Variants in WBP4 observed in about 807,000 individuals in gnomAD.
The protein encoded by WBP4 is WW domain binding protein 4, also known as WW domain-binding protein 4.
WBP4 carries 37 observed loss-of-function variants against 55.4 expected under a neutral mutation model. The observed-to-expected ratio is 0.67, with a 90% confidence interval of 0.51 to 0.88. The LOEUF (loss-of-function observed/expected upper bound fraction) is 0.88. Among genes scored for constraint, WBP4 ranks in the 40% least tolerant of loss-of-function variants. WBP4 has a pLI of 0.00. For missense variants in WBP4, 398 were observed against 420.8 expected (o/e 0.95, Z 0.47); for synonymous variants, 142 against 140.2 (o/e 1.01, Z -0.09).
At chr13:41,065,580 T>G (rs1418440483) in intron 4 of WBP4, among the ~76,000 whole-genome samples, 1 of 152,134 alleles carries the variant, frequency 6.6e-6, no homozygotes, top group African/African-American at 2.4e-5. Flanking sequence ...ACACTTTGAG[T>G]TTTTTAGGTA....
intron 1 of WBP4, chr13:41,062,290 A>G (rs912348944): frequency 1.4e-5 from 14 of 984,332 alleles, no homozygotes; most frequent in Non-Finnish European, 1.7e-5. Flanking sequence ...AAACTTTATG[A>G]GTTTCTTCAG....
At chr13:41,079,430 G>A (rs1878660258) in intron 8 of WBP4, among the ~76,000 whole-genome samples, 1 of 151,186 alleles carries the variant, frequency 6.6e-6, no homozygotes, top group Non-Finnish European at 1.5e-5. Flanking sequence ...GAAATTAGCC[G>A]AGCATGGTGG....
chr13:41,076,269 A>ATTTTTTTTTTTTT (rs35695477), intron 8 of WBP4, 32 bp downstream of exon 8: 1 of 614,778 alleles, frequency 1.6e-6, no homozygotes, highest in African/African-American at 3.6e-5. Flanking sequence ...TTCACATCAA[A>ATTTTTTTTTTTTT]TTTTTTTTTT....
chr13:41,068,597 C>G lies in WBP4; in HGVS notation c.299C>G (p.Thr100Ser), dbSNP rs777785990. The G allele has an allele frequency of 2.5e-6, 4 of 1,612,392 alleles. No homozygotes were observed. In the African/African-American group the frequency reaches 4.0e-5, roughly 16 times the overall value. Residue 100 changes from threonine to serine, a missense_variant, in exon 5 of 10, where the codon ACT becomes AGT. Physicochemically the swap from Thr to Ser is moderately conservative, Grantham distance 58 (BLOSUM62 1). Transcript: ENST00000379487. Reference sequence around the variant, plus strand: ...CCAAGCATAACACCAGTAACCAGCACTATCCCACCTACCTCGACATCAAAT... The same window carrying G: ...CCAAGCATAACACCAGTAACCAGCAGTATCCCACCTACCTCGACATCAAAT... ...LEPSITPVTS[T>S]IPPTSTSNQQ...
chr13:41,065,679 A>G (rs538213545), intron 4 of WBP4, among the ~76,000 whole-genome samples: 1 of 152,304 alleles, frequency 6.6e-6, no homozygotes, highest in South Asian at 2.1e-4. Flanking sequence ...GGTGAAAATT[A>G]TGAGTCTTGT....
chr13:41,065,480 T>C (rs1399462673), intron 4 of WBP4, among the ~76,000 whole-genome samples, 193 bp downstream of exon 4: 1 of 152,168 alleles, frequency 6.6e-6, no homozygotes, highest in Non-Finnish European at 1.5e-5. Context: ...TTTAATGTTT[T>C]ATCTTTTAAC....
intron 7 of WBP4, among the ~76,000 whole-genome samples, chr13:41,073,733 G>A (rs1878352452): frequency 6.6e-6 from 1 of 151,998 alleles, no homozygotes; most frequent in Non-Finnish European, 1.5e-5. Flanking sequence ...CTTGAACCCA[G>A]GAGGTAGAGG....
intron 7 of WBP4, among the ~76,000 whole-genome samples, chr13:41,075,118 A>T (rs1165127541): frequency 6.6e-6 from 1 of 152,158 alleles, no homozygotes; most frequent in African/African-American, 2.4e-5. Context: ...ATTTTGGTTT[A>T]TTCCTGGACC....
At chr13:41,063,645 A>T (rs1877813067) in intron 2 of WBP4, among the ~76,000 whole-genome samples, 1 of 152,138 alleles carries the variant, frequency 6.6e-6, no homozygotes. Flanking sequence ...AGTTATCTAG[A>T]GTAAGTAATC....
At chr13:41,080,218 T>G (rs1878708942) in intron 8 of WBP4, among the ~76,000 whole-genome samples, 1 of 152,088 alleles carries the variant, frequency 6.6e-6, no homozygotes, top group South Asian at 2.1e-4. Flanking sequence ...TTTTAAAAGA[T>G]AAATTATAGG....
intron 8 of WBP4, among the ~76,000 whole-genome samples, chr13:41,080,442 C>G (rs904937401): frequency 4.6e-5 from 7 of 152,008 alleles, no homozygotes; most frequent in African/African-American, 1.4e-4. Context: ...TTTAGGGAGC[C>G]TTTGTCATGG....
chr13:41,067,685 A>AT (rs894966655), intron 4 of WBP4, among the ~76,000 whole-genome samples: 4 of 152,234 alleles, frequency 2.6e-5, no homozygotes, highest in African/African-American at 9.7e-5. Context: ...GAGAAAAAAA[A>AT]GTAAATGTTA....
Position 41,068,563 on chromosome 13 carries a change from A to G in WBP4, c.265A>G (p.Ile89Val). ...TTACCCTTCTCTCATCTCTTTAGAA[A>G]TTTTGGAGCCAAGCATAACACCAGT... ...DLKRLGLESE[I>V]LEPSITPVTS... The change falls in exon 5 of 10, where the codon ATT (isoleucine) becomes GTT (valine). Residue 89 changes from isoleucine (I) to valine (V), a missense_variant and splice_region_variant. Coordinates refer to ENST00000379487, the MANE Select transcript of WBP4 (RefSeq NM_007187.5). 1 of 1,592,142 alleles carries G rather than the reference A, an allele frequency of 6.3e-7. No individual in the cohort carries two copies. The highest frequency in any genetic ancestry group is 8.5e-7 in the Non-Finnish European group (1 of 1,172,858).
At chr13:41,064,186 T>A (rs931297153) in intron 2 of WBP4, among the ~76,000 whole-genome samples, 3 of 152,100 alleles carry the variant, frequency 2.0e-5, no homozygotes, top group African/African-American at 7.2e-5. Context: ...GCACTAGTTT[T>A]AAAAAATTTA....
chr13:41,061,534 T>C lies in WBP4; in HGVS notation c.-140T>C, dbSNP rs1208909674. The C allele has an allele frequency of 7.4e-7, 1 of 1,356,648 alleles. No individual in the cohort carries two copies. Among genetic ancestry groups the C allele is most frequent in the Middle Eastern group, 1.8e-4 (1 of 5,550 alleles). The allele number at this position is 1,356,648 out of a possible 1,614,324, so 84.0% of individuals were successfully genotyped here. ...GTAGTTGGGAACAGCGGAACGCTGGTCCCGGGGACTGAGTAAGGTGTCTGG... is the reference window on the plus strand; with the variant it reads ...GTAGTTGGGAACAGCGGAACGCTGGCCCCGGGGACTGAGTAAGGTGTCTGG... On this transcript the variant is annotated 5_prime_UTR_variant, in exon 1 of 10. Coordinates refer to ENST00000379487, the MANE Select transcript of WBP4 (RefSeq NM_007187.5).
In WBP4 at chr13:41,061,735, G is replaced by T. The variant is rs894821103; in HGVS notation, c.2+60G>T. On this transcript the variant is annotated intron_variant, in intron 1 of 9. Coordinates refer to ENST00000379487, the MANE Select transcript of WBP4 (RefSeq NM_007187.5). ...TTGTTTCTCTGGGCCGCCCTTTCTC[G>T]CCCGGGTCTTCCCCTCCTCTCCTCC... is the stretch of plus-strand genomic sequence containing the variant. The T allele has an allele frequency of 1.7e-5, 27 of 1,610,130 alleles. No individual in the cohort carries two copies. The Admixed American group carries it at 1.8e-4, about 11-fold the overall frequency.
intron 4 of WBP4, among the ~76,000 whole-genome samples, chr13:41,067,722 T>C (rs953213139): frequency 2.0e-5 from 3 of 152,228 alleles, no homozygotes; most frequent in Non-Finnish European, 4.4e-5. Context: ...TTGTAATTGT[T>C]GTCCATTTTT....
chr13:41,062,057 C>G (rs1877679374), intron 1 of WBP4: 2 of 984,224 alleles, frequency 2.0e-6, no homozygotes, highest in African/African-American at 1.8e-5. Context: ...TGCGGCCTCC[C>G]CCGCCCACTG....
Position 41,080,708 on chromosome 13 carries a change from G to C in WBP4, c.819G>C (p.Gln273His). The change falls in exon 9 of 10, where the codon CAG (glutamine) becomes CAC (histidine). Residue 273 changes from glutamine to histidine, a missense_variant. Transcript: ENST00000379487. ...AAACACAGAAAGAAAAAAGTATTCA[G>C]AAACAGAATTCATTAGGTTCAAATG... ...DPETQKEKSIQKQNSLGSNEE... is the reference protein window; with the variant it reads ...DPETQKEKSIHKQNSLGSNEE... The C allele has an allele frequency of 6.2e-7, 1 of 1,605,088 alleles. No homozygotes were observed.
Sources: allele counts gnomAD v4.1 joint callset (sites outside exome capture counted in the v4.1 genomes callset), GRCh38; gene constraint gnomAD v4.1.1; transcripts MANE v1.5; gene names NCBI Gene and HGNC (gene_info 2026-07-23, HGNC 2026-07-21).